LRP12: variants seen among roughly 807,000 people sequenced by gnomAD.
LRP12 encodes the protein LDL receptor related protein 12.
Under a neutral mutation model 66.0 loss-of-function variants are expected in LRP12, and 14 were observed. The ratio of observed to expected loss-of-function variants is 0.21; its 90% CI spans 0.14 to 0.33. LRP12 has a LOEUF of 0.33. LRP12 is among the 10% of genes least tolerant of loss of function. The pLI is 1.00. For missense variants in LRP12, 889 were observed against 1,053.4 expected (o/e 0.84, Z 2.16); for synonymous variants, 357 against 359.1 (o/e 0.99, Z 0.07).
intron 3 of LRP12, 56 bp from the exon 4 acceptor site, chr8:104,499,575 T>A (rs1810792698): frequency 8.2e-7 from 1 of 1,217,904 alleles, no homozygotes; most frequent in Admixed American, 2.1e-5. Flanking sequence ...AAAAAAATCG[T>A]ATTACAAAGT....
intron 1 of LRP12, among the ~76,000 whole-genome samples, chr8:104,539,056 A>G (rs1164890806): frequency 1.3e-5 from 2 of 152,194 alleles, no homozygotes; most frequent in African/African-American, 4.8e-5. Flanking sequence ...ATATTTTTAA[A>G]GTTGTGAAGA....
intron 1 of LRP12, among the ~76,000 whole-genome samples, chr8:104,568,764 A>C (rs2140892675): frequency 6.6e-6 from 1 of 152,290 alleles, no homozygotes; most frequent in South Asian, 2.1e-4. Context: ...TGTAATGAAA[A>C]AGACAGACAA....
chr8:104,582,210 C>CAA (rs1812262391), intron 1 of LRP12, among the ~76,000 whole-genome samples: 1 of 152,126 alleles, frequency 6.6e-6, no homozygotes, highest in South Asian at 2.1e-4. Flanking sequence ...TAGTCTCACT[C>CAA]AATGACAAAA....
At chr8:104,499,111 A>G (rs1164378315) in intron 4 of LRP12, among the ~76,000 whole-genome samples, 2 of 152,208 alleles carry the variant, frequency 1.3e-5, no homozygotes, top group African/African-American at 4.8e-5. Context: ...TAGTATATGA[A>G]GTTAATCATT....
Position 104,519,758 on chromosome 8 carries a change from G to C in LRP12, c.137-10684C>G, listed in dbSNP as rs185754845. ...ACTCTGAGACTTATTATTAGAAACC[G>C]CAAGTGCCATGGCAAGTAGGAAATC... is the stretch of plus-strand genomic sequence containing the variant. On this transcript the variant is annotated intron_variant, in intron 2 of 6. Transcript: ENST00000276654. Among the ~76,000 whole-genome samples the C allele has an allele frequency of 3.8e-3, 585 of 152,028 alleles. 2 individuals are homozygous for C. The highest frequency in any genetic ancestry group is 0.031 in the Middle Eastern group (9 of 294).
At chr8:104,567,208 G>C (rs1031857278) in intron 1 of LRP12, among the ~76,000 whole-genome samples, 1 of 152,140 alleles carries the variant, frequency 6.6e-6, no homozygotes, top group Non-Finnish European at 1.5e-5. Flanking sequence ...TGCTGATAAA[G>C]ACACACCTGA....
chr8:104,587,229 C>A (rs1314524994), intron 1 of LRP12, among the ~76,000 whole-genome samples: 1 of 152,164 alleles, frequency 6.6e-6, no homozygotes, highest in Admixed American at 6.5e-5. Context: ...GCTGGACAAT[C>A]CTAATCACCC....
intron 1 of LRP12, among the ~76,000 whole-genome samples, chr8:104,537,674 G>A (rs1811409567): frequency 6.6e-6 from 1 of 152,086 alleles, no homozygotes; most frequent in Admixed American, 6.6e-5. Context: ...ATATAAAATA[G>A]TACAACCACT....
chr8:104,501,080 T>C (rs1287371157), intron 3 of LRP12, among the ~76,000 whole-genome samples: 4 of 152,350 alleles, frequency 2.6e-5, no homozygotes, highest in Admixed American at 2.6e-4. Flanking sequence ...CAAATTGCCT[T>C]GTTTTCCAAA....
At chr8:104,494,905 T>C (rs1456822030) in intron 6 of LRP12, among the ~76,000 whole-genome samples, 172 bp downstream of exon 6, 1 of 152,202 alleles carries the variant, frequency 6.6e-6, no homozygotes, top group Non-Finnish European at 1.5e-5. Flanking sequence ...AAAATATACT[T>C]TTGCAGTTTG....
At chr8:104,491,657 G>T in intron 6 of LRP12, 118 bp from the exon 7 acceptor site, 1 of 820,868 alleles carries the variant, frequency 1.2e-6, no homozygotes, top group Non-Finnish European at 1.8e-6. Flanking sequence ...ACTCATTGTT[G>T]CTTTTGGGTC....
chr8:104,560,442 TAA>T (rs1459635237), intron 1 of LRP12, among the ~76,000 whole-genome samples: 3 of 152,112 alleles, frequency 2.0e-5, no homozygotes. Context: ...TTAGGGCATT[TAA>T]AAGAGAGGTT....
At chr8:104,491,747 ATTGT>A (rs1045451672) in intron 6 of LRP12, among the ~76,000 whole-genome samples, 4 of 152,174 alleles carry the variant, frequency 2.6e-5, no homozygotes, top group African/African-American at 7.2e-5. Context: ...AACTTGAATC[ATTGT>A]TTGTTTAAAC....
chr8:104,554,486 T>C (rs1811775529), intron 1 of LRP12, among the ~76,000 whole-genome samples: 1 of 151,748 alleles, frequency 6.6e-6, no homozygotes, highest in African/African-American at 2.4e-5. Context: ...GAAAATACAT[T>C]GGAAAATTGA....
In LRP12 at chr8:104,552,779, G is replaced by A. The variant is rs537473285; in HGVS notation, c.80-20816C>T. Among the ~76,000 whole-genome samples, 3 of 152,288 alleles carry A rather than the reference G, an allele frequency of 2.0e-5. No individual in the cohort carries two copies. The East Asian group carries it at 5.8e-4, about 29-fold the overall frequency. Reference sequence around the variant, plus strand: ...AGCTCCCACTCAGACAGACAGAGCAGTGTGTGGAGACCCATGTCATGAACT... The same window carrying A: ...AGCTCCCACTCAGACAGACAGAGCAATGTGTGGAGACCCATGTCATGAACT... On this transcript the variant is annotated intron_variant, in intron 1 of 6. Transcript: ENST00000276654.
intron 2 of LRP12, among the ~76,000 whole-genome samples, chr8:104,525,676 C>T (rs1229012741): frequency 1.3e-5 from 2 of 152,020 alleles, no homozygotes; most frequent in Non-Finnish European, 2.9e-5. Flanking sequence ...TGCCTTAGTA[C>T]ATTAAGACCA....
chr8:104,495,336 GACAA>G (rs758683584), intron 5 of LRP12, 127 bp from the exon 6 acceptor site: 77 of 942,160 alleles, frequency 8.2e-5, no homozygotes, highest in Non-Finnish European at 1.0e-4. Flanking sequence ...TTAGTCATTT[GACAA>G]ACATTTACTG....
rs191888475 is a variant in LRP12 at position 104,508,956 on chromosome 8, G to A, written c.255C>T (p.Gly85=). 56 of 1,612,528 alleles carry A rather than the reference G, an allele frequency of 3.5e-5. No homozygotes were observed. Among genetic ancestry groups the A allele is most frequent in the African/African-American group, 2.0e-4 (15 of 74,964 alleles). ...AGAATTACCTTATAGTAATGATTTCGCCTGGGTTTGCCCTTATGAACCAGC... is the reference window on the plus strand; with the variant it reads ...AGAATTACCTTATAGTAATGATTTCACCTGGGTTTGCCCTTATGAACCAGC... The part of the protein sequence containing the change: ...NCSWFIRANP[G]EIITISFQDF... Residue 85 remains glycine (G), a synonymous_variant, in exon 3 of 7, where the codon GGC becomes GGT. Coordinates refer to ENST00000276654, the MANE Select transcript of LRP12 (RefSeq NM_013437.5).
chr8:104,560,178 A>T (rs780443518), intron 1 of LRP12, among the ~76,000 whole-genome samples: 7 of 152,168 alleles, frequency 4.6e-5, no homozygotes, highest in Non-Finnish European at 1.0e-4. Flanking sequence ...TAATTTTGAA[A>T]CAATTCCAGG....
Sources: allele counts gnomAD v4.1 joint callset (sites outside exome capture counted in the v4.1 genomes callset), GRCh38; gene constraint gnomAD v4.1.1; transcripts MANE v1.5; gene names NCBI Gene and HGNC (gene_info 2026-07-23, HGNC 2026-07-21).